The following LAMB4 variants were observed in gnomAD, a reference collection of about 807,000 sequenced individuals.
LAMB4 encodes the protein laminin subunit beta-4.
In LAMB4, 196 loss-of-function variants were observed where a neutral mutation model predicts 199.2. The ratio of observed to expected loss-of-function variants is 0.98; its 90% confidence interval spans 0.88 to 1.11. LAMB4 has a LOEUF of 1.11. Among genes scored for constraint, LAMB4 ranks in the 50% least tolerant of loss-of-function variants. The probability of loss-of-function intolerance (pLI) is 0.00; values close to 1 mark genes in which losing one functional copy is unlikely to be tolerated. For synonymous variants in LAMB4, 744 were observed against 770.6 expected (o/e 0.97, Z 0.57); for missense variants, 2,080 against 2,171.2 (o/e 0.96, Z 0.83).
intron 31 of LAMB4, among the ~76,000 whole-genome samples, chr7:108,032,861 G>T (rs1451723907): frequency 1.3e-5 from 2 of 152,124 alleles, no homozygotes. Context: ...CCCAAAGCTT[G>T]AATGCTCCAG....
intron 15 of LAMB4, among the ~76,000 whole-genome samples, chr7:108,079,237 G>C (rs1007624721): frequency 1.3e-5 from 2 of 152,196 alleles, no homozygotes; most frequent in Non-Finnish European, 2.9e-5. Context: ...TGCATCACCT[G>C]TGAGTCTGAA....
rs948600216 is a variant in LAMB4 at position 108,111,878 on chromosome 7, G to A, written c.261C>T (p.His87=). 2 of 1,611,684 alleles carry A rather than the reference G, an allele frequency of 1.2e-6. No homozygotes were observed. The highest frequency in any genetic ancestry group is 1.7e-5 in the Admixed American group (1 of 59,804). ...PYDPYDQPNS[H]TIENVIVSFE... ...AACTTACAATGACATTCTCAATGGT[G>A]TGGCTGTTGGGTTGGTCATACGGAT... Residue 87 remains histidine (H), a synonymous_variant, in exon 4 of 34, where the codon CAC becomes CAT. Transcript: ENST00000388781.
At chr7:108,022,516 A>T (rs972626351), downstream of LAMB4, among the ~76,000 whole-genome samples, 2 of 152,236 alleles carry the variant, frequency 1.3e-5, no homozygotes, top group African/African-American at 2.4e-5. Flanking sequence ...CAACTGATAC[A>T]GCAAGTAATA....
the LAMB4 span, among the ~76,000 whole-genome samples, chr7:108,016,990 C>T: frequency 6.6e-6 from 1 of 152,130 alleles, no homozygotes; most frequent in African/African-American, 2.4e-5. Context: ...TCAAAGTGAA[C>T]TGTGGTTGTG....
At chr7:108,122,124 A>G (rs1040756944) in intron 2 of LAMB4, among the ~76,000 whole-genome samples, 6 of 152,212 alleles carry the variant, frequency 3.9e-5, no homozygotes. Context: ...CTAATTGAGG[A>G]GGGCTCTCTC....
intron 5 of LAMB4, among the ~76,000 whole-genome samples, chr7:108,108,363 A>T (rs1020175184): frequency 6.6e-5 from 10 of 152,344 alleles, no homozygotes; most frequent in Admixed American, 6.5e-4. Flanking sequence ...TTAATTGAAG[A>T]AAGATGGCTT....
chr7:108,027,405 GCCT>G (rs1182351018), intron 33 of LAMB4, among the ~76,000 whole-genome samples: 1 of 152,122 alleles, frequency 6.6e-6, no homozygotes, highest in African/African-American at 2.4e-5. Context: ...CACTCCCACT[GCCT>G]CCCTAGAGAT....
downstream of LAMB4, among the ~76,000 whole-genome samples, chr7:108,020,571 C>A (rs1055887157): frequency 6.7e-6 from 1 of 149,340 alleles, no homozygotes; most frequent in Non-Finnish European, 1.5e-5. Flanking sequence ...TCCTTTAATT[C>A]TTTTTATTTA....
Position 108,052,244 on chromosome 7 carries a change from G to A in LAMB4, c.3769C>T (p.Gln1257Ter), listed in dbSNP as rs1227986001. 1.3e-6 allele frequency: 2 copies of A among 1,599,356 alleles called. No individual in the cohort carries two copies. Among genetic ancestry groups the A allele is most frequent in the Non-Finnish European group, 1.7e-6 (2 of 1,172,094 alleles). The stretch of plus-strand genomic sequence containing the variant: ...ACTGCTTTCAGTTGTTCATTTAGCT[G>A]CATGATTTGTCTTCTATAGAGGAAA... Reference protein sequence around the residue: ...YHDSVRRQIMQLNEQLKAVYE... With the variant: ...YHDSVRRQIM Residue 1257 changes from glutamine (Q) to a stop codon, truncating the protein, a stop_gained, in exon 26 of 34, where the codon CAG becomes TAG. Transcript: ENST00000388781. LOFTEE classifies it high-confidence loss of function.
At chr7:108,015,064 T>C in the LAMB4 span, among the ~76,000 whole-genome samples, 1 of 152,326 alleles carries the variant, frequency 6.6e-6, no homozygotes, top group African/African-American at 2.4e-5. Context: ...ATTTAAGACA[T>C]CCTATCAGTC....
intron 6 of LAMB4, 152 bp from the exon 7 acceptor site, chr7:108,106,724 C>A: frequency 1.8e-6 from 1 of 542,402 alleles, no homozygotes. Context: ...ACCACCATGC[C>A]CAGCTAATTT....
At chr7:108,101,055 T>G (rs1356321747) in intron 10 of LAMB4, among the ~76,000 whole-genome samples, 1 of 152,224 alleles carries the variant, frequency 6.6e-6, no homozygotes, top group African/African-American at 2.4e-5. Context: ...TGTATAAGAC[T>G]TCATTTTATA....
intron 4 of LAMB4, among the ~76,000 whole-genome samples, chr7:108,109,681 C>T (rs1397854873): frequency 6.6e-6 from 1 of 152,198 alleles, no homozygotes; most frequent in Admixed American, 6.5e-5. Flanking sequence ...ACTAGAATTT[C>T]ATTGTCACCT....
At chr7:108,096,071 T>C (rs757596267) in intron 11 of LAMB4, among the ~76,000 whole-genome samples, 10 of 152,246 alleles carry the variant, frequency 6.6e-5, no homozygotes, top group Non-Finnish European at 1.2e-4. Context: ...TCAATTGTGT[T>C]AAGCACATTA....
At chr7:108,092,141 G>T (rs1325830866) in intron 13 of LAMB4, among the ~76,000 whole-genome samples, 196 bp downstream of exon 13, 1 of 152,124 alleles carries the variant, frequency 6.6e-6, no homozygotes, top group Admixed American at 6.5e-5. Flanking sequence ...CTTGTGGTGG[G>T]ATACCCAGCA....
At chr7:108,034,053 A>T (rs1001383637) in intron 31 of LAMB4, among the ~76,000 whole-genome samples, 155 bp downstream of exon 31, 6 of 152,140 alleles carry the variant, frequency 3.9e-5, no homozygotes, top group Admixed American at 3.3e-4. Flanking sequence ...TCTGTAGAAC[A>T]TTAAATACAT....
At chr7:108,122,847 T>C (rs921096312) in intron 2 of LAMB4, among the ~76,000 whole-genome samples, 3 of 152,228 alleles carry the variant, frequency 2.0e-5, no homozygotes, top group Non-Finnish European at 2.9e-5. Flanking sequence ...ATTAGATGCA[T>C]TGTATTTGTA....
intron 25 of LAMB4, among the ~76,000 whole-genome samples, chr7:108,054,922 A>G (rs1055136554): frequency 6.6e-6 from 1 of 152,260 alleles, no homozygotes; most frequent in Non-Finnish European, 1.5e-5. Flanking sequence ...AAATGACCAT[A>G]CTTGGTATAA....
At position 108,095,273 on chromosome 7, in the gene LAMB4, G is replaced by A. The variant is rs1385390050; in HGVS notation, c.1425C>T (p.Cys475=). ...CTCCGGTGACATATGACAGGCACAAGCATTGGCCTGTATCCACATCACAGG... is the reference window on the plus strand; with the variant it reads ...CTCCGGTGACATATGACAGGCACAAACATTGGCCTGTATCCACATCACAGG... ...FLTCDVDTGQ[C]LCLSYVTGAH... The change falls in exon 12 of 34, where the codon TGC becomes TGT. Residue 475 remains cysteine, a synonymous_variant. Coordinates refer to ENST00000388781, the MANE Select transcript of LAMB4 (RefSeq NM_007356.3). 14 of 1,614,078 alleles carry A rather than the reference G, an allele frequency of 8.7e-6. 1 individual carries two copies. In the South Asian group the frequency reaches 1.5e-4, roughly 18 times the overall value.
Sources: gnomAD v4.1 joint callset for allele counts (sites outside exome capture counted in the v4.1 genomes callset) on GRCh38, gnomAD v4.1.1 for gene constraint, MANE v1.5 for transcripts, NCBI Gene and HGNC (gene_info 2026-07-23, HGNC 2026-07-21) for gene names.